FGF14: variants seen among roughly 807,000 people sequenced by gnomAD.
The protein encoded by FGF14 is fibroblast growth factor 14, also known as fibroblast growth factor homologous factor 4.
FGF14 carries 5 observed loss-of-function variants against 25.5 expected under a neutral mutation model. The observed-to-expected ratio is 0.20, with a 90% confidence interval of 0.10 to 0.41. The LOEUF (loss-of-function observed/expected upper bound fraction) is 0.41, where lower values mean the gene tolerates loss of function less well. FGF14 is among the 10% of genes least tolerant of loss of function. The pLI is 1.00. For missense variants in FGF14, 222 were observed against 320.1 expected (o/e 0.69, Z 2.34); for synonymous variants, 138 against 118.3 (o/e 1.17, Z -1.08).
intron 1 of FGF14, among the ~76,000 whole-genome samples, chr13:101,892,541 G>T (rs532159200): frequency 6.6e-6 from 1 of 152,100 alleles, no homozygotes; most frequent in Non-Finnish European, 1.5e-5. Flanking sequence ...TCACTACCAC[G>T]TCCCCAAAAT....
At chr13:101,805,310 T>C (rs537040403) in intron 3 of FGF14, among the ~76,000 whole-genome samples, 21 of 152,260 alleles carry the variant, frequency 1.4e-4, no homozygotes, top group Middle Eastern at 3.4e-3. Flanking sequence ...ATATTTATCA[T>C]AGGTAAATCA....
intron 1 of FGF14, among the ~76,000 whole-genome samples, chr13:102,259,604 TC>T (rs1223900085): frequency 2.0e-5 from 3 of 151,868 alleles, no homozygotes; most frequent in South Asian, 2.1e-4. Context: ...GTGGGAGCCC[TC>T]CCCCCCATCC....
At chr13:101,740,523 G>C (rs1251213083) in intron 3 of FGF14, among the ~76,000 whole-genome samples, 2 of 152,194 alleles carry the variant, frequency 1.3e-5, no homozygotes, top group East Asian at 3.9e-4. Context: ...CAGAAGGTCA[G>C]CACTATGTAA....
At chr13:101,776,380 T>C (rs1360759807) in intron 3 of FGF14, among the ~76,000 whole-genome samples, 6 of 152,202 alleles carry the variant, frequency 3.9e-5, no homozygotes, top group Admixed American at 6.5e-5. Context: ...GATGCATTTC[T>C]CAAGGCAGCG....
intron 1 of FGF14, among the ~76,000 whole-genome samples, chr13:102,239,466 C>T (rs1388961706): frequency 6.6e-6 from 1 of 152,190 alleles, no homozygotes; most frequent in Non-Finnish European, 1.5e-5. Flanking sequence ...GATGCTGATG[C>T]TTCTGGTGTG....
chr13:101,878,872 T>A (rs992427518), intron 1 of FGF14, among the ~76,000 whole-genome samples: 9 of 151,870 alleles, frequency 5.9e-5, no homozygotes, highest in Non-Finnish European at 1.2e-4. Flanking sequence ...TGTAAAAAAA[T>A]GCTCATTTTT....
chr13:102,191,008 G>T (rs1395348411), intron 1 of FGF14, among the ~76,000 whole-genome samples: 2 of 152,078 alleles, frequency 1.3e-5, no homozygotes. Context: ...ACCAACCAAA[G>T]GAGAGGGAAA....
At chr13:101,914,829 G>T (rs1391341649) in intron 1 of FGF14, among the ~76,000 whole-genome samples, 1 of 151,972 alleles carries the variant, frequency 6.6e-6, no homozygotes, top group Non-Finnish European at 1.5e-5. Context: ...ATTTGGAGCT[G>T]TATGTGGTGA....
chr13:102,217,134 T>C (rs2050408513), intron 1 of FGF14, among the ~76,000 whole-genome samples: 1 of 152,238 alleles, frequency 6.6e-6, no homozygotes, highest in Admixed American at 6.5e-5. Context: ...GGTATCTTTT[T>C]GACATATTGT....
intron 1 of FGF14, among the ~76,000 whole-genome samples, chr13:102,331,261 C>T (rs1276094638): frequency 2.6e-5 from 4 of 152,114 alleles, no homozygotes; most frequent in African/African-American, 7.2e-5. Flanking sequence ...TTCTGAACTG[C>T]TCCATTTTCT....
chr13:102,161,582 A>AGAAGAAGAAGAAGAG (rs2047663487), intron 1 of FGF14, among the ~76,000 whole-genome samples: 1 of 3,070 alleles, frequency 3.3e-4, no homozygotes, highest in Non-Finnish European at 4.8e-4. Context: ...AGAAAGAAGA[A>AGAAGAAGAAGAAGAG]GAAGAAGAAG....
intron 1 of FGF14, among the ~76,000 whole-genome samples, chr13:102,189,011 A>AGG (rs2049005610): frequency 1.4e-5 from 1 of 72,226 alleles, no homozygotes; most frequent in East Asian, 3.2e-4. Flanking sequence ...AAAGAAAGAG[A>AGG]AAGAATGAAA....
chr13:102,276,120 G>A (rs903764076), intron 1 of FGF14, among the ~76,000 whole-genome samples: 24 of 151,722 alleles, frequency 1.6e-4, no homozygotes, highest in African/African-American at 4.3e-4. Context: ...AGTCTGAGAC[G>A]TAGTTTTTCC....
At chr13:102,356,928 CATAT>C (rs3066054) in intron 1 of FGF14, among the ~76,000 whole-genome samples, 175 of 141,960 alleles carry the variant, frequency 1.2e-3, no homozygotes, top group African/African-American at 4.2e-3. Flanking sequence ...CTATAAAATG[CATAT>C]ATATATATAT....
chr13:101,957,816 T>C (rs952433182), intron 1 of FGF14, among the ~76,000 whole-genome samples: 10 of 152,134 alleles, frequency 6.6e-5, no homozygotes, highest in Non-Finnish European at 1.2e-4. Flanking sequence ...AAGGAAACCA[T>C]TGTCACTCTC....
At chr13:101,862,938 T>G (rs1322195873) in intron 3 of FGF14, among the ~76,000 whole-genome samples, 2 of 152,250 alleles carry the variant, frequency 1.3e-5, no homozygotes, top group East Asian at 3.9e-4. Context: ...ATTTAACATT[T>G]TATTAATATA....
chr13:101,866,781 A>G (rs1448363204), intron 3 of FGF14, among the ~76,000 whole-genome samples: 1 of 152,196 alleles, frequency 6.6e-6, no homozygotes, highest in Non-Finnish European at 1.5e-5. Flanking sequence ...ATAGATTCAT[A>G]ATCGCTTTTG....
chr13:101,742,736 T>C (rs929202700), intron 3 of FGF14, among the ~76,000 whole-genome samples: 2 of 152,088 alleles, frequency 1.3e-5, no homozygotes, highest in Non-Finnish European at 2.9e-5. Flanking sequence ...GGGAAATGCA[T>C]TGGGCAAAGC....
At chr13:102,185,975 A>C (rs2048858143) in intron 1 of FGF14, among the ~76,000 whole-genome samples, 1 of 152,184 alleles carries the variant, frequency 6.6e-6, no homozygotes, top group African/African-American at 2.4e-5. Context: ...ATCCAAATGA[A>C]AATAATAATA....
Sources: allele counts gnomAD v4.1 joint callset (sites outside exome capture counted in the v4.1 genomes callset), GRCh38; gene constraint gnomAD v4.1.1; transcripts MANE v1.5; gene names NCBI Gene and HGNC (gene_info 2026-07-23, HGNC 2026-07-21).